The following RPS6KB1 variants were observed in gnomAD, a reference collection of about 807,000 sequenced individuals.
The protein encoded by RPS6KB1 is ribosomal protein S6 kinase B1.
RPS6KB1 carries 12 observed loss-of-function variants against 70.2 expected under a neutral mutation model. That is an observed-to-expected ratio of 0.17 (90% CI 0.11 to 0.28). The LOEUF is 0.28. Ranked by LOEUF, RPS6KB1 falls within the 10% of genes least tolerant of loss-of-function variation. The pLI is 1.00. For synonymous variants in RPS6KB1, 175 were observed against 211.2 expected, an observed-to-expected ratio of 0.83 and a Z score of 1.49; for missense variants, 270 against 646.6, an observed-to-expected ratio of 0.42 and a Z score of 6.32.
At chr17:59,898,245 A>G (rs950427740) in intron 1 of RPS6KB1, among the ~76,000 whole-genome samples, 2 of 152,120 alleles carry the variant, frequency 1.3e-5, no homozygotes, top group African/African-American at 4.8e-5. Context: ...CTCTAATTCA[A>G]AATTTGAAAT....
intron 5 of RPS6KB1, among the ~76,000 whole-genome samples, chr17:59,927,442 G>T (rs539684086): frequency 6.6e-6 from 1 of 151,930 alleles, no homozygotes; most frequent in African/African-American, 2.4e-5. Context: ...TTGCAGTAAC[G>T]TGTAACATGG....
rs1212855057 is a variant in RPS6KB1 at position 59,934,389 on chromosome 17, A to G, written c.780-45A>G. 6.5e-7 allele frequency: 1 copy of G among 1,548,352 alleles called. No individual in the cohort carries two copies. Among genetic ancestry groups the G allele is most frequent in the African/African-American group, 1.4e-5 (1 of 73,610 alleles). On this transcript the variant is annotated intron_variant, in intron 8 of 14. Transcript: ENST00000225577. The surrounding 1 kb of genome is among the most constrained non-coding windows in gnomAD (Gnocchi z 4.8). Reference sequence around the variant, plus strand: ...TTTTTAAAATTCTAATTCAGATGATATGCAAATGGGTGAATTTTTAAGCAT... The same window carrying G: ...TTTTTAAAATTCTAATTCAGATGATGTGCAAATGGGTGAATTTTTAAGCAT...
Position 59,893,459 on chromosome 17 carries a change from CA to C in RPS6KB1, c.141+135del, listed in dbSNP as rs1232201649. 3.1e-5 allele frequency: 29 copies of C among 942,660 alleles called. No homozygotes were observed. The highest frequency in any genetic ancestry group is 4.4e-5 in the Non-Finnish European group (28 of 635,986). The allele number at this position is 942,660 out of a possible 1,614,324, so 58.4% of individuals were successfully genotyped here. ...GAGCTGAGGGTCGCGCGGCCTGAGA[CA>C]GGGGAGCGGGCGGGGCGGTCATGGC... On this transcript the variant is annotated intron_variant, in intron 1 of 14. Transcript: ENST00000225577. The surrounding 1 kb of genome is among the most constrained non-coding windows in gnomAD (Gnocchi z 4.1).
At chr17:59,922,305 T>G (rs1254759147) in intron 4 of RPS6KB1, among the ~76,000 whole-genome samples, 1 of 151,952 alleles carries the variant, frequency 6.6e-6, no homozygotes, top group Non-Finnish European at 1.5e-5. Context: ...CCTCCCAAAG[T>G]GTTGAGATTA....
At chr17:59,914,558 T>C (rs1304910725) in intron 3 of RPS6KB1, 77 bp from the exon 4 acceptor site, 13 of 1,054,062 alleles carry the variant, frequency 1.2e-5, no homozygotes, top group Non-Finnish European at 8.8e-6. Context: ...GTGGCATATG[T>C]TTCTTATAAC....
intron 3 of RPS6KB1, chr17:59,913,625 T>C (rs2042775331): frequency 6.6e-6 from 1 of 152,212 alleles, no homozygotes; most frequent in South Asian, 2.1e-4. Context: ...CTGCCGACGC[T>C]CAAGTGCCTT....
chr17:59,939,124 T>C (rs2044428999), intron 12 of RPS6KB1, among the ~76,000 whole-genome samples: 1 of 152,162 alleles, frequency 6.6e-6, no homozygotes, highest in Admixed American at 6.5e-5. Flanking sequence ...GATTCTTTCC[T>C]AGTTTTCAAA....
chr17:59,925,387 T>C (rs749963970), intron 4 of RPS6KB1, among the ~76,000 whole-genome samples: 2 of 152,226 alleles, frequency 1.3e-5, no homozygotes, highest in Non-Finnish European at 2.9e-5. Flanking sequence ...TTTGCCAATA[T>C]TGAATGGCAC....
Position 59,947,872 on chromosome 17 carries a change from A to T in RPS6KB1, c.*1084A>T. 2.6e-6 allele frequency: 1 copy of T among 385,130 alleles called. No homozygotes were observed. 23.9% of individuals were successfully genotyped at this position (385,130 alleles called of 1,614,324 possible). On this transcript the variant is annotated 3_prime_UTR_variant, in exon 15 of 15. Coordinates refer to ENST00000225577, the MANE Select transcript of RPS6KB1 (RefSeq NM_003161.4). ...CCCACTCTCTGTCTAATCTCTTTAC[A>T]GCAAATTGGTAAGATTTTCAGTTTT...
chr17:59,893,139 CG>C lies in RPS6KB1; in HGVS notation c.-44del. 6.3e-7 allele frequency: 1 copy of C among 1,594,470 alleles called. No homozygotes were observed. The highest frequency in any genetic ancestry group is 8.5e-7 in the Non-Finnish European group (1 of 1,171,436). On this transcript the variant is annotated 5_prime_UTR_variant, in exon 1 of 15. Transcript: ENST00000225577. This position sits in a 1 kb window ranked among gnomAD's most constrained non-coding sequence, Gnocchi z 4.1. ...CGCAGACGCACTGAGCCTAAGCAGC[CG>C]GTGATGGCGGCAGCGGCTGTGGTGG...
intron 1 of RPS6KB1, among the ~76,000 whole-genome samples, chr17:59,897,790 C>T (rs9890992): frequency 0.05 from 7,580 of 151,944 alleles, 591 homozygotes; most frequent in African/African-American, 0.17. Flanking sequence ...TATGGTGAAA[C>T]CCAGTTTCTA....
Position 59,946,655 on chromosome 17 carries a change from A to G in RPS6KB1, c.1445A>G (p.Glu482Gly). ...TACCCAATGGAAACAAGTGGCATAG[A>G]GCAGATGGATGTGACAATGAGTGGG... ...VEYPMETSGI[E>G]QMDVTMSGEA... Residue 482 changes from glutamate (E) to glycine (G), a missense_variant, in exon 15 of 15, where the codon GAG (glutamate) becomes GGG (glycine). Coordinates refer to ENST00000225577, the MANE Select transcript of RPS6KB1 (RefSeq NM_003161.4). This position sits in a 1 kb window ranked among gnomAD's most constrained non-coding sequence, Gnocchi z 4.2. 1 of 1,614,142 alleles carries G rather than the reference A, an allele frequency of 6.2e-7. No homozygotes were observed. Among genetic ancestry groups the G allele is most frequent in the Non-Finnish European group, 8.5e-7 (1 of 1,180,010 alleles).
At chr17:59,914,593 C>A in intron 3 of RPS6KB1, 42 bp from the exon 4 acceptor site, 2 of 1,420,410 alleles carry the variant, frequency 1.4e-6, no homozygotes, top group Non-Finnish European at 2.0e-6. Flanking sequence ...GTATGCCTGA[C>A]ATAGTTTGCC....
intron 1 of RPS6KB1, among the ~76,000 whole-genome samples, chr17:59,894,434 C>T (rs1289673440): frequency 1.3e-5 from 2 of 152,138 alleles, no homozygotes; most frequent in African/African-American, 4.8e-5. Context: ...GGGTTAATGA[C>T]GTCAGATGTT....
At chr17:59,924,398 T>TAGTC (rs1460552265) in intron 4 of RPS6KB1, among the ~76,000 whole-genome samples, 2 of 152,226 alleles carry the variant, frequency 1.3e-5, no homozygotes, top group Non-Finnish European at 2.9e-5. Flanking sequence ...ATTGGTGTAA[T>TAGTC]AGTCAATTAA....
chr17:59,918,901 G>A (rs867462621), intron 4 of RPS6KB1, among the ~76,000 whole-genome samples: 2 of 144,942 alleles, frequency 1.4e-5, no homozygotes, highest in Admixed American at 7.2e-5. Flanking sequence ...GCACAGTCTC[G>A]GCTCACTGCA....
intron 4 of RPS6KB1, among the ~76,000 whole-genome samples, chr17:59,921,642 T>A (rs2043270759): frequency 6.6e-6 from 1 of 152,138 alleles, no homozygotes; most frequent in Non-Finnish European, 1.5e-5. Context: ...CCTGGGACTG[T>A]TTACTTCTTA....
intron 4 of RPS6KB1, among the ~76,000 whole-genome samples, chr17:59,917,648 G>A (rs552277661): frequency 1.3e-5 from 2 of 152,162 alleles, no homozygotes; most frequent in East Asian, 1.9e-4. Flanking sequence ...GTGTTTCCCC[G>A]GCTGGCCTGG....
chr17:59,901,351 G>A (rs1466527263), intron 1 of RPS6KB1, among the ~76,000 whole-genome samples: 7 of 151,052 alleles, frequency 4.6e-5, no homozygotes, highest in South Asian at 2.1e-4. Flanking sequence ...GGGTTTCACC[G>A]TGTTAGCCAG....
Sources: gnomAD v4.1 joint callset for allele counts (sites outside exome capture counted in the v4.1 genomes callset) on GRCh38, gnomAD v4.1.1 for gene constraint, Gnocchi (gnomAD v3.1) non-coding constraint, MANE v1.5 for transcripts, NCBI Gene and HGNC (gene_info 2026-07-23, HGNC 2026-07-21) for gene names.